MTTP: variants seen among roughly 807,000 people sequenced by gnomAD.
MTTP encodes the protein microsomal triglyceride transfer protein.
In MTTP, 49 loss-of-function variants were observed where a neutral mutation model predicts 90.6. The ratio of observed to expected loss-of-function variants is 0.54; its 90% CI spans 0.43 to 0.69. MTTP has a LOEUF of 0.69. MTTP is among the 30% of genes least tolerant of loss of function. The pLI, the probability that MTTP is intolerant of heterozygous loss-of-function variation, is 0.00. For missense variants in MTTP, 945 were observed against 1,067.5 expected, an observed-to-expected ratio of 0.89 and a Z score of 1.60; for synonymous variants, 347 against 384.2, an observed-to-expected ratio of 0.90 and a Z score of 1.13.
chr4:99,592,440 A>G (rs1725449912), intron 6 of MTTP, among the ~76,000 whole-genome samples: 1 of 152,146 alleles, frequency 6.6e-6, no homozygotes, highest in African/African-American at 2.4e-5. Flanking sequence ...GTAATAACAC[A>G]TAGTTTAAAA....
intron 1 of MTTP, among the ~76,000 whole-genome samples, chr4:99,569,730 A>G (rs994748314): frequency 6.6e-6 from 1 of 151,918 alleles, no homozygotes; most frequent in Non-Finnish European, 1.5e-5. Flanking sequence ...CTGTGCTCAT[A>G]TGTATGTATA....
At chr4:99,589,807 A>G in intron 4 of MTTP, 57 bp downstream of exon 4, 3 of 1,184,370 alleles carry the variant, frequency 2.5e-6, no homozygotes, top group Non-Finnish European at 2.5e-6. Flanking sequence ...AAGGATTTCT[A>G]CTTATACAAT....
rs1283854712 is a variant in MTTP at position 99,594,749 on chromosome 4, A to C, written c.775A>C (p.Lys259Gln). Reference sequence around the variant, plus strand: ...ATTATGCAGGCAGAAATTAGAGCTGAAGACAACCGAAGCAGGCCCAAGATT... The same window carrying C: ...ATTATGCAGGCAGAAATTAGAGCTGCAGACAACCGAAGCAGGCCCAAGATT... Reference protein sequence around the residue: ...KIVSKQKLELKTTEAGPRLMS... With the variant: ...KIVSKQKLELQTTEAGPRLMS... The change falls in exon 7 of 18, where the codon AAG becomes CAG. Residue 259 changes from lysine to glutamine, a missense_variant. Coordinates refer to ENST00000265517, the MANE Select transcript of MTTP (RefSeq NM_001386140.1). 1 of 1,613,882 alleles carries C rather than the reference A, an allele frequency of 6.2e-7. No homozygotes were observed. Among genetic ancestry groups the C allele is most frequent in the Non-Finnish European group, 8.5e-7 (1 of 1,179,892 alleles).
chr4:99,621,538 T>TA (rs906856626), intron 17 of MTTP, among the ~76,000 whole-genome samples: 17 of 151,996 alleles, frequency 1.1e-4, no homozygotes, highest in African/African-American at 1.9e-4. Flanking sequence ...CATAGTTTCA[T>TA]AAAAAAAATC....
intron 9 of MTTP, among the ~76,000 whole-genome samples, chr4:99,601,159 T>C (rs1725686354): frequency 6.6e-6 from 1 of 152,168 alleles, no homozygotes; most frequent in Admixed American, 6.6e-5. Context: ...AAAGCTAGAC[T>C]TCTCTTGTGT....
rs1293531831 is a variant in MTTP at position 99,613,111 on chromosome 4, G to A, written c.2188G>A (p.Gly730Arg). Residue 730 changes from glycine (G) to arginine (R), a missense_variant, in exon 15 of 18, where the codon GGA becomes AGA. Gly to Arg is a moderately radical substitution (Grantham distance 125, BLOSUM62 -2). Transcript: ENST00000265517. ...ASGDPISVVKGLILLIDHSQE... is the reference protein window; with the variant it reads ...ASGDPISVVKRLILLIDHSQE... ...TGGCGACCCTATCAGTGTGGTGAAAGGACTTATTCTGCTAATAGATCATTC... is the reference window on the plus strand; with the variant it reads ...TGGCGACCCTATCAGTGTGGTGAAAAGACTTATTCTGCTAATAGATCATTC... 3.7e-6 allele frequency: 6 copies of A among 1,613,896 alleles called. No individual in the cohort carries two copies. The highest frequency in any genetic ancestry group is 2.2e-5 in the South Asian group (2 of 91,058).
intron 6 of MTTP, 87 bp from the exon 7 acceptor site, chr4:99,594,646 A>G (rs948101719): frequency 3.2e-5 from 47 of 1,487,230 alleles, no homozygotes; most frequent in Non-Finnish European, 3.8e-5. Flanking sequence ...ATAAATTACT[A>G]TCTTGTTTGC....
chr4:99,574,533 GTA>G (rs2110207288), upstream of MTTP, among the ~76,000 whole-genome samples: 1 of 152,278 alleles, frequency 6.6e-6, no homozygotes, highest in South Asian at 2.1e-4. Flanking sequence ...TGATGATTAT[GTA>G]TTAAGCAGAA....
chr4:99,566,917 C>G (rs1327194317), intron 1 of MTTP, among the ~76,000 whole-genome samples: 3 of 151,266 alleles, frequency 2.0e-5, no homozygotes, highest in Non-Finnish European at 2.9e-5. Flanking sequence ...AAGCTTAATT[C>G]TAAGTCTTAG....
chr4:99,600,431 T>C (rs1252532201), intron 8 of MTTP, 134 bp from the exon 9 acceptor site: 2 of 922,012 alleles, frequency 2.2e-6, no homozygotes, highest in Non-Finnish European at 3.3e-6. Flanking sequence ...TTAATCATTT[T>C]TTCATTTGTT....
chr4:99,605,701 C>T (rs1725797815), intron 10 of MTTP, among the ~76,000 whole-genome samples: 1 of 152,168 alleles, frequency 6.6e-6, no homozygotes, highest in African/African-American at 2.4e-5. Context: ...CCCATAGTCT[C>T]ACCTACAAAA....
upstream of MTTP, among the ~76,000 whole-genome samples, chr4:99,572,637 T>A (rs1265310052): frequency 6.6e-6 from 1 of 152,062 alleles, no homozygotes. Context: ...CAGCTCTTGT[T>A]TTTTTACTGT....
intron 16 of MTTP, among the ~76,000 whole-genome samples, 192 bp downstream of exon 16, chr4:99,619,290 A>C (rs1435269742): frequency 6.6e-6 from 1 of 152,200 alleles, no homozygotes; most frequent in East Asian, 1.9e-4. Flanking sequence ...GCAGGTCAGT[A>C]CCTAATATGA....
chr4:99,621,707 G>A (rs543609385), intron 17 of MTTP, among the ~76,000 whole-genome samples: 2 of 152,250 alleles, frequency 1.3e-5, no homozygotes, highest in African/African-American at 4.8e-5. Context: ...TTAAGTTTTG[G>A]CTCAAGTTTC....
intron 1 of MTTP, among the ~76,000 whole-genome samples, chr4:99,578,234 C>T (rs1725015074): frequency 6.6e-6 from 1 of 152,160 alleles, no homozygotes; most frequent in South Asian, 2.1e-4. Flanking sequence ...TCTAAATGCA[C>T]TTGAAGGGCA....
At chr4:99,569,264 G>T (rs1415083178) in intron 1 of MTTP, among the ~76,000 whole-genome samples, 1 of 151,976 alleles carries the variant, frequency 6.6e-6, no homozygotes, top group African/African-American at 2.4e-5. Context: ...TTCACTAGAG[G>T]AATATCTTGC....
At chr4:99,572,839 C>T (rs1260191374), upstream of MTTP, among the ~76,000 whole-genome samples, 1 of 151,868 alleles carries the variant, frequency 6.6e-6, no homozygotes, top group African/African-American at 2.4e-5. Context: ...GAAACAATCT[C>T]CAGAAGTCTT....
At chr4:99,617,922 A>ATTGC (rs5860587) in intron 15 of MTTP, among the ~76,000 whole-genome samples, 29,134 of 151,976 alleles carry the variant, frequency 0.19, 3,208 homozygotes, top group African/African-American at 0.28. Context: ...GCTTAGTTAA[A>ATTGC]TTTGCCTTCG....
intron 3 of MTTP, chr4:99,583,918 G>T (rs558809651): frequency 4.8e-5 from 14 of 293,906 alleles, no homozygotes; most frequent in African/African-American, 2.4e-4. Flanking sequence ...ACTGAGATTA[G>T]TAATATTGAT....
Sources: allele counts gnomAD v4.1 joint callset (sites outside exome capture counted in the v4.1 genomes callset), GRCh38; gene constraint gnomAD v4.1.1; transcripts MANE v1.5; gene names NCBI Gene and HGNC (gene_info 2026-07-23, HGNC 2026-07-21).